Variants in CEP128 observed in about 807,000 individuals in gnomAD.
CEP128 encodes centrosomal protein 128kDa.
CEP128 carries 132 observed loss-of-function variants against 156.7 expected under a neutral mutation model. The ratio of observed to expected loss-of-function variants is 0.84; its 90% confidence interval spans 0.73 to 0.97. CEP128 has a LOEUF of 0.97. Ranked by LOEUF, CEP128 falls within the 50% of genes least tolerant of loss-of-function variation. CEP128 has a pLI of 0.00. For synonymous variants in CEP128, 469 were observed against 448.9 expected (o/e 1.04, Z -0.57); for missense variants, 1,252 against 1,281.9 (o/e 0.98, Z 0.36).
chr14:80,703,126 C>T (rs8019534), intron 19 of CEP128, among the ~76,000 whole-genome samples: 99,550 of 151,868 alleles, frequency 0.66, 32,909 homozygotes, highest in African/African-American at 0.73. Context: ...AGATAAAAGG[C>T]AGGCAAAATC....
At chr14:80,926,379 G>A (rs1018916713) in intron 2 of CEP128, among the ~76,000 whole-genome samples, 2 of 152,124 alleles carry the variant, frequency 1.3e-5, no homozygotes, top group Admixed American at 6.5e-5. Flanking sequence ...ACTGCCACCC[G>A]CTACCACACC....
At chr14:80,774,756 G>A (rs1038467415) in intron 16 of CEP128, among the ~76,000 whole-genome samples, 1 of 152,026 alleles carries the variant, frequency 6.6e-6, no homozygotes, top group Non-Finnish European at 1.5e-5. Flanking sequence ...GGTGTAATTC[G>A]TCTCCTCAAA....
downstream of CEP128, among the ~76,000 whole-genome samples, chr14:80,488,991 G>A (rs898453149): frequency 2.7e-5 from 4 of 149,314 alleles, no homozygotes; most frequent in African/African-American, 9.9e-5. Flanking sequence ...TTGTGGGTTG[G>A]GGGGAGGGGG....
intron 19 of CEP128, among the ~76,000 whole-genome samples, chr14:80,715,815 T>C (rs1022514597): frequency 1.3e-5 from 2 of 152,168 alleles, no homozygotes; most frequent in Non-Finnish European, 2.9e-5. Flanking sequence ...ATCTATAAAA[T>C]GGGGATAGTA....
chr14:80,894,781 C>T (rs1472971838), intron 8 of CEP128: 1 of 304,148 alleles, frequency 3.3e-6, no homozygotes, highest in Non-Finnish European at 6.3e-6. Flanking sequence ...TTCAAATACC[C>T]TATTTTCAAA....
chr14:80,589,653 C>T (rs1005318141), intron 19 of CEP128, among the ~76,000 whole-genome samples: 3 of 152,080 alleles, frequency 2.0e-5, no homozygotes, highest in African/African-American at 7.2e-5. Context: ...CCACTTCGCA[C>T]CTATGCTGGA....
intron 13 of CEP128, among the ~76,000 whole-genome samples, chr14:80,805,763 CTT>C (rs919082246): frequency 3.9e-5 from 6 of 152,156 alleles, no homozygotes; most frequent in African/African-American, 1.4e-4. Context: ...AGGCAAGTCT[CTT>C]TGAATAAAAG....
chr14:80,946,467 G>A (rs1334049578), upstream of CEP128, among the ~76,000 whole-genome samples: 25 of 151,752 alleles, frequency 1.6e-4, no homozygotes, highest in Admixed American at 1.6e-3. Context: ...ATACTAATGA[G>A]ATCACCAGCC....
intron 23 of CEP128, among the ~76,000 whole-genome samples, chr14:80,521,121 G>A (rs1888728265): frequency 1.3e-5 from 2 of 150,294 alleles, no homozygotes; most frequent in African/African-American, 4.9e-5. Flanking sequence ...TTACAGGCAT[G>A]AGCCACCACA....
chr14:80,608,700 G>A (rs1892881465), intron 19 of CEP128, among the ~76,000 whole-genome samples: 2 of 152,100 alleles, frequency 1.3e-5, no homozygotes, highest in Admixed American at 1.3e-4. Flanking sequence ...TGCCTGGAAT[G>A]CCCTGCCTAC....
chr14:80,784,617 T>G, intron 15 of CEP128, among the ~76,000 whole-genome samples: 1 of 152,188 alleles, frequency 6.6e-6, no homozygotes, highest in East Asian at 1.9e-4. Context: ...ACGTTTCAGG[T>G]CCATGACTTA....
rs750206981 is a variant in CEP128, at chr14:80,723,930, G to A, written c.2806+19145C>T. Among the ~76,000 whole-genome samples the A allele has an allele frequency of 4.6e-5, 7 of 152,308 alleles. No individual in the cohort carries two copies. In the East Asian group the frequency reaches 9.6e-4, roughly 21 times the overall value. On this transcript the variant is annotated intron_variant, in intron 19 of 24. Transcript: ENST00000555265. ...GAAGTTTTAGCAAATAGTAACTTAC[G>A]CAGAACAGAACACAATCATCCATCA...
intron 20 of CEP128, among the ~76,000 whole-genome samples, chr14:80,569,159 T>A (rs1258099716): frequency 6.6e-6 from 1 of 152,188 alleles, no homozygotes; most frequent in Non-Finnish European, 1.5e-5. Context: ...TTGACTATAA[T>A]AATTTCAAAC....
Position 80,600,496 on chromosome 14 carries a change from C to T in CEP128, c.2807-20073G>A, listed in dbSNP as rs538511798. Among the ~76,000 whole-genome samples the T allele has an allele frequency of 1.5e-4, 23 of 152,212 alleles. No homozygotes were observed. In the South Asian group the frequency reaches 4.8e-3, roughly 32 times the overall value. On this transcript the variant is annotated intron_variant, in intron 19 of 24. Transcript: ENST00000555265. The stretch of plus-strand genomic sequence containing the variant: ...ACAGAAAAAAGAGAGAGAAAAGAAA[C>T]TGTCAGTGAAGAACTTTACATGCAG...
chr14:80,776,537 TTAA>T (rs1278190279), intron 16 of CEP128, among the ~76,000 whole-genome samples: 1 of 147,878 alleles, frequency 6.8e-6, no homozygotes, highest in Non-Finnish European at 1.5e-5. Context: ...TTAATATATA[TTAA>T]TTATATATAT....
intron 21 of CEP128, among the ~76,000 whole-genome samples, chr14:80,547,383 A>T (rs1890030013): frequency 6.6e-6 from 1 of 152,226 alleles, no homozygotes; most frequent in Non-Finnish European, 1.5e-5. Flanking sequence ...TTCTTTACGC[A>T]TATCTTCATT....
intron 19 of CEP128, among the ~76,000 whole-genome samples, chr14:80,662,801 C>A (rs547648269): frequency 1.4e-3 from 210 of 152,194 alleles, no homozygotes; most frequent in Non-Finnish European, 1.8e-3. Flanking sequence ...AATATTAGTA[C>A]CAGCACTTTA....
intron 21 of CEP128, among the ~76,000 whole-genome samples, chr14:80,553,443 C>T (rs1220575288): frequency 6.6e-6 from 1 of 152,162 alleles, no homozygotes; most frequent in Non-Finnish European, 1.5e-5. Context: ...TTGTGTCAAA[C>T]ATCAAGTTTT....
intron 15 of CEP128, among the ~76,000 whole-genome samples, chr14:80,783,457 G>A (rs1173549390): frequency 6.6e-6 from 1 of 152,150 alleles, no homozygotes; most frequent in Admixed American, 6.5e-5. Flanking sequence ...CACACAATCT[G>A]CAAGGTGAGG....
Sources: gnomAD v4.1 joint callset for allele counts (sites outside exome capture counted in the v4.1 genomes callset) on GRCh38, gnomAD v4.1.1 for gene constraint, MANE v1.5 for transcripts, NCBI Gene and HGNC (gene_info 2026-07-23, HGNC 2026-07-21) for gene names.